Variants in KIF16B observed in about 807,000 individuals in gnomAD.
KIF16B encodes the protein kinesin family member 16B, also known as kinesin-like protein KIF16B.
A neutral mutation model predicts 156.3 loss-of-function variants in KIF16B; 98 were observed. That is an observed-to-expected ratio of 0.63 (90% CI 0.53 to 0.74). KIF16B has a LOEUF of 0.74. Among genes scored for constraint, KIF16B ranks in the 30% least tolerant of loss-of-function variants. The pLI, the probability that KIF16B is intolerant of heterozygous loss-of-function variation, is 0.00. For synonymous variants in KIF16B, 564 were observed against 583.7 expected (o/e 0.97, Z 0.49); for missense variants, 1,421 against 1,606.5 (o/e 0.88, Z 1.97).
chr20:16,483,522 T>A (rs1312413782), intron 12 of KIF16B, among the ~76,000 whole-genome samples: 1 of 152,176 alleles, frequency 6.6e-6, no homozygotes, highest in Admixed American at 6.5e-5. Context: ...TCAAAAAGGA[T>A]AGATTCAGAG....
At chr20:16,320,568 A>C (rs2063759000) in intron 24 of KIF16B, among the ~76,000 whole-genome samples, 1 of 152,186 alleles carries the variant, frequency 6.6e-6, no homozygotes, top group Non-Finnish European at 1.5e-5. Context: ...ATAACAACAC[A>C]AAATAAAATG....
At chr20:16,510,501 T>C (rs1032826323) in intron 6 of KIF16B, among the ~76,000 whole-genome samples, 2 of 152,028 alleles carry the variant, frequency 1.3e-5, no homozygotes, top group African/African-American at 4.8e-5. Flanking sequence ...AATATAAAAA[T>C]TAGCCAGGTG....
intron 1 of KIF16B, among the ~76,000 whole-genome samples, chr20:16,558,596 T>C (rs548257467): frequency 4.9e-4 from 74 of 152,186 alleles, no homozygotes; most frequent in Admixed American, 7.2e-4. Flanking sequence ...GTATCTTTAG[T>C]GAGAGCCACG....
rs1295224575 is a variant in KIF16B, at chr20:16,356,436, G to C, written c.3515C>G (p.Ser1172Cys). The C allele has an allele frequency of 6.8e-6, 11 of 1,614,016 alleles. No homozygotes were observed. Among genetic ancestry groups the C allele is most frequent in the Non-Finnish European group, 9.3e-6 (11 of 1,179,994 alleles). The change falls in exon 23 of 26, where the codon TCT becomes TGT. Residue 1172 changes from serine to cysteine, a missense_variant. Ser to Cys is a moderately radical substitution (Grantham distance 112, BLOSUM62 -1). Transcript: ENST00000354981. Reference sequence around the variant, plus strand: ...CAGGTCATCTGGATTTGCGCCCAAAGAGCGAGAAACCATCCGCTATCAAAG... The same window carrying C: ...CAGGTCATCTGGATTTGCGCCCAAACAGCGAGAAACCATCCGCTATCAAAG... ...KLKYERMVSR[S>C]LGANPDDLKD...
intron 25 of KIF16B, among the ~76,000 whole-genome samples, chr20:16,308,935 T>C (rs1406382648): frequency 6.6e-6 from 1 of 152,228 alleles, no homozygotes; most frequent in Non-Finnish European, 1.5e-5. Context: ...CCCAGGCAGC[T>C]GTCAGGGCTA....
intron 12 of KIF16B, among the ~76,000 whole-genome samples, chr20:16,473,117 GTCT>G (rs1478755020): frequency 6.6e-6 from 1 of 152,132 alleles, no homozygotes; most frequent in Non-Finnish European, 1.5e-5. Context: ...CAGGCTACAA[GTCT>G]TCTTAAGTCC....
chr20:16,285,910 C>T (rs1281187865), intron 25 of KIF16B, among the ~76,000 whole-genome samples: 1 of 152,172 alleles, frequency 6.6e-6, no homozygotes, highest in Non-Finnish European at 1.5e-5. Context: ...GGTACATAAG[C>T]AACATACTCT....
intron 21 of KIF16B, among the ~76,000 whole-genome samples, chr20:16,371,300 A>G (rs960935545): frequency 2.6e-5 from 4 of 152,158 alleles, no homozygotes; most frequent in African/African-American, 9.6e-5. Context: ...CTTGAAAGAC[A>G]AATGGGCTGA....
chr20:16,350,456 T>A (rs1176403271), intron 23 of KIF16B, among the ~76,000 whole-genome samples: 2 of 151,782 alleles, frequency 1.3e-5, no homozygotes, highest in Non-Finnish European at 2.9e-5. Context: ...ACAAAACAGA[T>A]GTACCCTGCG....
chr20:16,570,243 C>A (rs4814509), intron 1 of KIF16B, among the ~76,000 whole-genome samples: 141,792 of 152,260 alleles, frequency 0.93, 66,122 homozygotes, highest in East Asian at 1. Context: ...TTGTAGGCAG[C>A]AATATAATCC....
intron 25 of KIF16B, among the ~76,000 whole-genome samples, chr20:16,279,587 G>A (rs1425745789): frequency 6.6e-6 from 1 of 152,010 alleles, no homozygotes; most frequent in Non-Finnish European, 1.5e-5. Flanking sequence ...GCTCCTCCAG[G>A]GCTAGTCTAT....
chr20:16,556,781 G>A (rs539407904), intron 1 of KIF16B, among the ~76,000 whole-genome samples: 5 of 152,176 alleles, frequency 3.3e-5, no homozygotes, highest in Non-Finnish European at 5.9e-5. Context: ...ATATTCCCAC[G>A]GTTCATTACC....
chr20:16,326,072 G>A lies in KIF16B; in HGVS notation c.3711+9854C>T, dbSNP rs147987896. Among the ~76,000 whole-genome samples, 921 of 152,176 alleles carry A rather than the reference G, an allele frequency of 6.1e-3. 6 individuals carry two copies. The highest frequency in any genetic ancestry group is 0.037 in the Middle Eastern group (11 of 294). ...GACAGGACACCTTATTCAACAAATG[G>A]GGCTGGGATAATTGGCAAGCCACAG... On this transcript the variant is annotated intron_variant, in intron 24 of 25. Transcript: ENST00000354981.
In KIF16B at chr20:16,337,766, G is replaced by A. The variant is rs1023060718; in HGVS notation, c.3622-1751C>T. 6.6e-5 allele frequency among the ~76,000 whole-genome samples: 10 copies of A among 152,126 alleles called. No individual in the cohort carries two copies. In the South Asian group the frequency reaches 1.0e-3, roughly 16 times the overall value. On this transcript the variant is annotated intron_variant, in intron 23 of 25. Coordinates refer to ENST00000354981, the MANE Select transcript of KIF16B (RefSeq NM_024704.5). Reference sequence around the variant, plus strand: ...CAGTGAGGATGTGGGGGCTTCCTCCGGCCCACAGCCCAACAATCCACAGTC... The same window carrying A: ...CAGTGAGGATGTGGGGGCTTCCTCCAGCCCACAGCCCAACAATCCACAGTC...
intron 25 of KIF16B, among the ~76,000 whole-genome samples, chr20:16,311,305 A>G (rs2063616820): frequency 2.0e-5 from 3 of 152,158 alleles, no homozygotes; most frequent in Admixed American, 1.3e-4. Flanking sequence ...CTTGGCCAAC[A>G]TGGTGAAACC....
intron 24 of KIF16B, among the ~76,000 whole-genome samples, chr20:16,323,179 TC>T (rs1291159505): frequency 6.6e-6 from 1 of 152,002 alleles, no homozygotes; most frequent in Non-Finnish European, 1.5e-5. Flanking sequence ...TTTTCTTTAC[TC>T]CTGTGATATT....
chr20:16,410,574 A>G (rs539693987), intron 15 of KIF16B, among the ~76,000 whole-genome samples: 14 of 152,042 alleles, frequency 9.2e-5, no homozygotes, highest in Non-Finnish European at 1.9e-4. Context: ...AACTTTATAC[A>G]ATATTTTAAA....
At chr20:16,391,158 T>C (rs923779911) in intron 17 of KIF16B, among the ~76,000 whole-genome samples, 8 of 152,090 alleles carry the variant, frequency 5.3e-5, no homozygotes, top group Admixed American at 2.6e-4. Flanking sequence ...CAGAGGAAGC[T>C]ATACAGAGCC....
intron 12 of KIF16B, among the ~76,000 whole-genome samples, chr20:16,486,220 C>A (rs942599338): frequency 6.6e-6 from 1 of 152,000 alleles, no homozygotes; most frequent in Admixed American, 6.6e-5. Context: ...ACTGGGTATA[C>A]CTTGTGTCCA....
Sources: gnomAD v4.1 joint callset for allele counts (sites outside exome capture counted in the v4.1 genomes callset) on GRCh38, gnomAD v4.1.1 for gene constraint, MANE v1.5 for transcripts, NCBI Gene and HGNC (gene_info 2026-07-23, HGNC 2026-07-21) for gene names.